BAD: variants seen among roughly 807,000 people sequenced by gnomAD.
BAD encodes bcl2-associated agonist of cell death.
A neutral mutation model predicts 17.8 loss-of-function variants in BAD; 18 were observed. That is an observed-to-expected ratio of 1.01 (90% CI 0.70 to 1.50). The LOEUF (loss-of-function observed/expected upper bound fraction) is 1.50. Ranked by LOEUF, BAD falls within the 40% of genes most tolerant of loss-of-function variation. BAD has a pLI of 0.00. For synonymous variants in BAD, 112 were observed against 91.5 expected (o/e 1.22, Z -1.28); for missense variants, 294 against 239.3 (o/e 1.23, Z -1.51).
chr11:64,284,096 C>T, intron 2 of BAD, 86 bp downstream of exon 2: 1 of 1,460,944 alleles, frequency 6.8e-7, no homozygotes, highest in Non-Finnish European at 9.1e-7. Context: ...CCAAAGCATT[C>T]AGTGCCTGTG....
intron 2 of BAD, chr11:64,272,004 A>G: frequency 2.4e-6 from 1 of 412,506 alleles, no homozygotes; most frequent in Non-Finnish European, 4.2e-6. Flanking sequence ...ATTTAGGTTA[A>G]CTTCTCATTA....
At chr11:64,273,848 C>A (rs1466776961) in intron 2 of BAD, among the ~76,000 whole-genome samples, 1 of 118,960 alleles carries the variant, frequency 8.4e-6, no homozygotes, top group Non-Finnish European at 1.7e-5. Context: ...CGCCACTGCA[C>A]CCATCTCAAA....
chr11:64,271,281 C>G (rs1259733303), intron 3 of BAD, among the ~76,000 whole-genome samples: 2 of 32,032 alleles, frequency 6.2e-5, no homozygotes, highest in African/African-American at 2.3e-4. Flanking sequence ...CAGATCCCAG[C>G]ATGCCCTGTG....
intron 3 of BAD, 103 bp downstream of exon 3, chr11:64,271,510 C>T: frequency 8.3e-7 from 1 of 1,210,014 alleles, no homozygotes; most frequent in Middle Eastern, 2.8e-4. Flanking sequence ...GGGGAGGGGT[C>T]GTGGGACTCC....
chr11:64,282,240 G>A (rs1167468411), intron 2 of BAD, among the ~76,000 whole-genome samples: 1 of 152,164 alleles, frequency 6.6e-6, no homozygotes, highest in Non-Finnish European at 1.5e-5. Context: ...CTGAGTGTGT[G>A]TGGGGGGCAG....
At position 64,270,054 on chromosome 11, in the gene BAD, C is replaced by A. The variant is rs1201675587; in HGVS notation, c.*155G>T. 1.5e-6 allele frequency: 2 copies of A among 1,352,576 alleles called. No individual in the cohort carries two copies. The highest frequency in any genetic ancestry group is 1.0e-6 in the Non-Finnish European group (1 of 981,128). The allele number at this position is 1,352,576 out of a possible 1,614,324, so 83.8% of individuals were successfully genotyped here. On this transcript the variant is annotated 3_prime_UTR_variant, in exon 4 of 4. Coordinates refer to ENST00000309032, the MANE Select transcript of BAD (RefSeq NM_032989.3). ...TGGGACCAAGCCTTCCGTGGCTTCA[C>A]ACGCACCGGAAGGGAATCTGGGTCA...
At chr11:64,275,015 A>AAAAAAAAAAT (rs2032952440) in intron 2 of BAD, among the ~76,000 whole-genome samples, 1 of 139,532 alleles carries the variant, frequency 7.2e-6, no homozygotes, top group African/African-American at 2.6e-5. Flanking sequence ...AAAAAAAAAA[A>AAAAAAAAAAT]GCGAGTAAGG....
chr11:64,271,636 C>A lies in BAD; in HGVS notation c.355G>T (p.Asp119Tyr). ...RYGRELRRMS[D>Y]EFVDSFKKGL... ...ACCTTAAAGGAGTCCACAAACTCGTCACTCATCCTCCGGAGCTCGCGGCCA... is the reference window on the plus strand; with the variant it reads ...ACCTTAAAGGAGTCCACAAACTCGTAACTCATCCTCCGGAGCTCGCGGCCA... The change falls in exon 3 of 4, where the codon GAC (aspartate) becomes TAC (tyrosine). Residue 119 changes from aspartate to tyrosine, a missense_variant. By Grantham distance (160) the Asp-to-Tyr change is radical. Transcript: ENST00000309032. 6.7e-7 allele frequency: 1 copy of A among 1,501,972 alleles called. No individual in the cohort carries two copies. Among genetic ancestry groups the A allele is most frequent in the Non-Finnish European group, 8.9e-7 (1 of 1,125,108 alleles). 93.0% of individuals were successfully genotyped at this position (1,501,972 alleles called of 1,614,324 possible). A position where few individuals can be genotyped will look rare whatever the true frequency, so the allele number is the denominator to read the frequency against.
chr11:64,281,760 C>T (rs1055139779), intron 2 of BAD, among the ~76,000 whole-genome samples: 2 of 152,138 alleles, frequency 1.3e-5, no homozygotes, highest in South Asian at 2.1e-4. Flanking sequence ...CTCACTCTGT[C>T]GCCAGGCTGG....
chr11:64,280,957 C>T (rs925696633), intron 2 of BAD, among the ~76,000 whole-genome samples: 3 of 149,760 alleles, frequency 2.0e-5, no homozygotes, highest in Non-Finnish European at 4.4e-5. Context: ...TGTGAGCCAC[C>T]ACGCCCGGCC....
intron 2 of BAD, chr11:64,276,978 C>A: frequency 2.7e-6 from 2 of 736,888 alleles, no homozygotes. Context: ...GATGCTTCCG[C>A]GAGCATCCCT....
rs34418386 is a variant in BAD at position 64,274,992 on chromosome 11, C to CAAAAAAA, written c.188-3196_188-3190dup. ...TGGGAGACAGAGTGAGACTTTGTCT[C>CAAAAAAA]AAAAAAAAAAAAAAAAAAAAAAAGC... On this transcript the variant is annotated intron_variant, in intron 2 of 3. Transcript: ENST00000309032. 1.0e-2 allele frequency among the ~76,000 whole-genome samples: 542 copies of CAAAAAAA among 54,396 alleles called. 78 individuals carry two copies. The highest frequency in any genetic ancestry group is 0.048 in the African/African-American group (516 of 10,844). 35.7% of individuals were successfully genotyped at this position (54,396 alleles called of 152,430 possible).
At chr11:64,284,465 C>A in intron 1 of BAD, 89 bp from the exon 2 acceptor site, 1 of 1,596,252 alleles carries the variant, frequency 6.3e-7, no homozygotes, top group South Asian at 1.1e-5. Flanking sequence ...GGCTTCCTCT[C>A]CCACCGTAGC....
chr11:64,282,683 C>T (rs1482360745), intron 2 of BAD, among the ~76,000 whole-genome samples: 1 of 151,888 alleles, frequency 6.6e-6, no homozygotes, highest in African/African-American at 2.4e-5. Flanking sequence ...ATGGAGACCA[C>T]CCTGGCTAAC....
intron 2 of BAD, among the ~76,000 whole-genome samples, chr11:64,280,218 G>A (rs1380131157): frequency 6.6e-6 from 1 of 150,698 alleles, no homozygotes; most frequent in Non-Finnish European, 1.5e-5. Context: ...TACTCTGGAG[G>A]CTGAGGCAGG....
intron 1 of BAD, 31 bp downstream of exon 1, chr11:64,284,600 C>G: frequency 6.7e-7 from 1 of 1,500,562 alleles, no homozygotes. Flanking sequence ...CAGGCCCCGC[C>G]CCGCCCGTGG....
At chr11:64,279,539 G>A (rs2033290382) in intron 2 of BAD, among the ~76,000 whole-genome samples, 2 of 152,070 alleles carry the variant, frequency 1.3e-5, no homozygotes, top group South Asian at 4.1e-4. Context: ...GGCTGAGGCG[G>A]GTGGATCACG....
intron 2 of BAD, among the ~76,000 whole-genome samples, chr11:64,282,807 A>T (rs2033566936): frequency 6.7e-6 from 1 of 149,348 alleles, no homozygotes; most frequent in African/African-American, 2.5e-5. Context: ...TGAACCCAGG[A>T]GGCAGAGGTT....
At chr11:64,278,548 T>C (rs574945292) in intron 2 of BAD, among the ~76,000 whole-genome samples, 2 of 152,244 alleles carry the variant, frequency 1.3e-5, no homozygotes, top group Non-Finnish European at 2.9e-5. Flanking sequence ...TGGGACTAGT[T>C]CTATTCCCGT....
Sources: gnomAD v4.1 joint callset for allele counts (sites outside exome capture counted in the v4.1 genomes callset) on GRCh38, gnomAD v4.1.1 for gene constraint, MANE v1.5 for transcripts, NCBI Gene and HGNC (gene_info 2026-07-23, HGNC 2026-07-21) for gene names.